Variants in DNAH11 observed in about 807,000 individuals in gnomAD.
DNAH11 encodes axonemal beta dynein heavy chain 11.
DNAH11 carries 442 observed loss-of-function variants against 526.0 expected under a neutral mutation model. That is an observed-to-expected ratio of 0.84 (90% CI 0.78 to 0.91). DNAH11 has a LOEUF of 0.91. DNAH11 is among the 40% of genes least tolerant of loss of function. The pLI is 0.00. For synonymous variants in DNAH11, 2,461 were observed against 1,935.9 expected (o/e 1.27, Z -7.12); for missense variants, 6,989 against 5,448.7 (o/e 1.28, Z -8.90).
intron 8 of DNAH11, among the ~76,000 whole-genome samples, chr7:21,572,537 C>T (rs1783934236): frequency 6.6e-6 from 1 of 152,292 alleles, no homozygotes; most frequent in East Asian, 1.9e-4. Context: ...CTGTGAGCAT[C>T]CCTGCAGTTC....
intron 20 of DNAH11, among the ~76,000 whole-genome samples, chr7:21,607,257 T>C (rs1472756356): frequency 6.6e-6 from 1 of 152,112 alleles, no homozygotes; most frequent in Admixed American, 6.5e-5. Context: ...GCCAGAAGAC[T>C]CAGCCAGCCT....
intron 14 of DNAH11, 45 bp downstream of exon 14, chr7:21,591,622 G>T (rs1217331935): frequency 2.1e-6 from 3 of 1,461,330 alleles, no homozygotes; most frequent in Non-Finnish European, 2.7e-6. Context: ...TTTTCATTGA[G>T]TTCAGAGAAG....
intron 54 of DNAH11, among the ~76,000 whole-genome samples, chr7:21,757,584 A>T (rs1461972624): frequency 6.6e-6 from 1 of 152,058 alleles, no homozygotes; most frequent in African/African-American, 2.4e-5. Flanking sequence ...AATCTGCAGG[A>T]TGCTTTTCTA....
chr7:21,662,691 A>G (rs765388889), intron 30 of DNAH11, among the ~76,000 whole-genome samples: 2 of 152,074 alleles, frequency 1.3e-5, no homozygotes, highest in African/African-American at 2.4e-5. Flanking sequence ...ATGATGTACA[A>G]TAGACCTCTT....
intron 30 of DNAH11, among the ~76,000 whole-genome samples, chr7:21,667,046 G>A (rs978882311): frequency 2.0e-5 from 3 of 152,088 alleles, no homozygotes; most frequent in African/African-American, 7.2e-5. Flanking sequence ...GCAATGGTAA[G>A]CCAATTTTCA....
At chr7:21,830,982 C>A (rs193291645) in intron 65 of DNAH11, among the ~76,000 whole-genome samples, 1 of 152,238 alleles carries the variant, frequency 6.6e-6, no homozygotes, top group East Asian at 1.9e-4. Context: ...CTCACTCCTG[C>A]AGAGGGATGT....
intron 6 of DNAH11, among the ~76,000 whole-genome samples, chr7:21,565,353 A>G (rs1384447252): frequency 6.6e-6 from 1 of 152,172 alleles, no homozygotes; most frequent in Non-Finnish European, 1.5e-5. Context: ...CTATATCCAG[A>G]TACAGTCACA....
chr7:21,571,415 G>A (rs917038250), intron 7 of DNAH11, among the ~76,000 whole-genome samples: 1 of 151,994 alleles, frequency 6.6e-6, no homozygotes, highest in African/African-American at 2.4e-5. Flanking sequence ...AAGTAGCTGG[G>A]ACTACAGGTG....
At chr7:21,698,395 G>A (rs1041337122) in intron 36 of DNAH11, among the ~76,000 whole-genome samples, 182 bp downstream of exon 36, 1 of 152,098 alleles carries the variant, frequency 6.6e-6, no homozygotes, top group Non-Finnish European at 1.5e-5. Context: ...TTCTTTAGTG[G>A]TAATTTTTGA....
At chr7:21,589,156 G>A (rs879152597) in intron 11 of DNAH11, 52 bp from the exon 12 acceptor site, 215 of 1,353,546 alleles carry the variant, frequency 1.6e-4, no homozygotes, top group African/African-American at 7.6e-4. Context: ...ATTATTAAGC[G>A]GAAATCTATC....
At chr7:21,798,575 A>C (rs934011210) in intron 61 of DNAH11, among the ~76,000 whole-genome samples, 1 of 152,224 alleles carries the variant, frequency 6.6e-6, no homozygotes, top group African/African-American at 2.4e-5. Context: ...GTTTGGGTTC[A>C]TAGCCTTGTT....
chr7:21,699,481 A>G (rs1368692188), intron 36 of DNAH11, among the ~76,000 whole-genome samples: 3 of 152,190 alleles, frequency 2.0e-5, no homozygotes, highest in Admixed American at 1.3e-4. Flanking sequence ...TGAAAGCATC[A>G]GAATACCACA....
chr7:21,836,997 C>T (rs941894887), intron 65 of DNAH11, among the ~76,000 whole-genome samples: 2 of 151,936 alleles, frequency 1.3e-5, no homozygotes, highest in Non-Finnish European at 2.9e-5. Context: ...AAAAATATTC[C>T]ACATCACTAA....
intron 23 of DNAH11, 27 bp downstream of exon 23, chr7:21,617,804 A>C (rs945852498): frequency 6.5e-7 from 1 of 1,546,536 alleles, no homozygotes; most frequent in Non-Finnish European, 8.7e-7. Context: ...TCACTAATGA[A>C]CCTTTTTATG....
chr7:21,861,514 A>T (rs190398299), intron 68 of DNAH11, among the ~76,000 whole-genome samples: 19 of 152,374 alleles, frequency 1.2e-4, no homozygotes, highest in African/African-American at 4.6e-4. Flanking sequence ...ATGTACACTT[A>T]AAATTGTTAA....
intron 61 of DNAH11, among the ~76,000 whole-genome samples, chr7:21,795,440 A>G (rs1788667811): frequency 6.6e-6 from 1 of 152,192 alleles, no homozygotes; most frequent in Non-Finnish European, 1.5e-5. Context: ...CACACACCCT[A>G]CACATCAGTG....
At chr7:21,636,311 G>A (rs1786861365) in intron 26 of DNAH11, among the ~76,000 whole-genome samples, 1 of 152,156 alleles carries the variant, frequency 6.6e-6, no homozygotes, top group Non-Finnish European at 1.5e-5. Flanking sequence ...CATGAAAGAA[G>A]ACATGGGTAA....
At chr7:21,574,726 G>C (rs1017637298) in intron 8 of DNAH11, among the ~76,000 whole-genome samples, 3 of 150,368 alleles carry the variant, frequency 2.0e-5, no homozygotes, top group South Asian at 2.1e-4. Flanking sequence ...ACCACGCCCA[G>C]GTAATTTTTT....
At chr7:21,881,197 A>G (rs1188852414) in intron 75 of DNAH11, among the ~76,000 whole-genome samples, 1 of 152,240 alleles carries the variant, frequency 6.6e-6, no homozygotes, top group Non-Finnish European at 1.5e-5. Flanking sequence ...TGCCAGATTC[A>G]TTAGGCAGGT....
Sources: allele counts gnomAD v4.1 joint callset (sites outside exome capture counted in the v4.1 genomes callset), GRCh38; gene constraint gnomAD v4.1.1; transcripts MANE v1.5; gene names NCBI Gene and HGNC (gene_info 2026-07-23, HGNC 2026-07-21).